The following DLGAP2 variants were observed in gnomAD, a reference collection of about 807,000 sequenced individuals.
DLGAP2 encodes disks large-associated protein 2.
A neutral mutation model predicts 100.3 loss-of-function variants in DLGAP2; 26 were observed. The observed-to-expected ratio is 0.26, with a 90% CI of 0.19 to 0.36. The LOEUF (loss-of-function observed/expected upper bound fraction) is 0.36. DLGAP2 is among the 10% of genes least tolerant of loss of function. The probability of loss-of-function intolerance (pLI) is 1.00; values close to 1 mark genes in which losing one functional copy is unlikely to be tolerated. For synonymous variants in DLGAP2, 886 were observed against 630.1 expected, an observed-to-expected ratio of 1.41 and a Z score of -6.08; for missense variants, 1,858 against 1,453.2, an observed-to-expected ratio of 1.28 and a Z score of -4.53.
intron 3 of DLGAP2, among the ~76,000 whole-genome samples, chr8:1,408,005 C>T (rs1030670447): frequency 6.6e-5 from 10 of 152,214 alleles, no homozygotes; most frequent in Non-Finnish European, 7.3e-5. Context: ...TTAACAGCAT[C>T]GCTGGACTCA....
intron 1 of DLGAP2, among the ~76,000 whole-genome samples, chr8:818,439 C>T (rs1488026960): frequency 6.6e-6 from 1 of 152,188 alleles, no homozygotes; most frequent in Non-Finnish European, 1.5e-5. Flanking sequence ...GAACCACGAA[C>T]CTCCCCATTG....
intron 2 of DLGAP2, among the ~76,000 whole-genome samples, chr8:1,026,751 A>G (rs1801811680): frequency 6.6e-6 from 1 of 152,358 alleles, no homozygotes; most frequent in Admixed American, 6.5e-5. Flanking sequence ...ACTCATGCAA[A>G]ACAGCATTGA....
rs1798596866 is a variant in DLGAP2 at position 1,668,334 on chromosome 8, T to G, written c.1816T>G (p.Ser606Ala). The G allele has an allele frequency of 6.7e-7, 1 of 1,503,170 alleles. No homozygotes were observed. Among genetic ancestry groups the G allele is most frequent in the Admixed American group, 2.4e-5 (1 of 41,626 alleles). 93.1% of individuals were successfully genotyped at this position (1,503,170 alleles called of 1,614,324 possible). A position where few individuals can be genotyped will look rare whatever the true frequency, so the allele number is the denominator to read the frequency against. ...GGGACTTTCTTTTCTTACAGCTGTC[T>G]CATATACAAATTACAAGAAAACGCC... ...TSTIRSTAAV[S>A]YTNYKKTPPP... Residue 606 changes from serine to alanine, a missense_variant, in exon 9 of 15, where the codon TCA becomes GCA. By Grantham distance (99) the Ser-to-Ala change is moderately conservative. Coordinates refer to ENST00000637795, the MANE Select transcript of DLGAP2 (RefSeq NM_001346810.2).
At chr8:1,492,801 A>G (rs760377147) in intron 3 of DLGAP2, among the ~76,000 whole-genome samples, 3 of 152,180 alleles carry the variant, frequency 2.0e-5, no homozygotes, top group Non-Finnish European at 4.4e-5. Context: ...TGGGAGGCCA[A>G]TAAGGAGAAG....
chr8:1,246,483 G>T (rs1275215370), intron 2 of DLGAP2, among the ~76,000 whole-genome samples: 3 of 152,168 alleles, frequency 2.0e-5, no homozygotes, highest in Non-Finnish European at 4.4e-5. Flanking sequence ...TCTCACTGAG[G>T]GGAGCAGCAC....
chr8:1,382,183 T>C (rs1462447741), intron 3 of DLGAP2, among the ~76,000 whole-genome samples: 1 of 152,218 alleles, frequency 6.6e-6, no homozygotes, highest in Non-Finnish European at 1.5e-5. Flanking sequence ...TATTACATGC[T>C]GTATTCATAC....
At chr8:1,094,734 C>A (rs991453564) in intron 2 of DLGAP2, among the ~76,000 whole-genome samples, 1 of 152,216 alleles carries the variant, frequency 6.6e-6, no homozygotes, top group Non-Finnish European at 1.5e-5. Flanking sequence ...CCGTGCCTCC[C>A]CCTCTTTCTC....
chr8:930,689 G>T (rs1013311598), intron 2 of DLGAP2, among the ~76,000 whole-genome samples: 4 of 56,868 alleles, frequency 7.0e-5, no homozygotes, highest in African/African-American at 1.3e-4. Flanking sequence ...GCAGGTGTGC[G>T]GGGATTGGGA....
intron 14 of DLGAP2, among the ~76,000 whole-genome samples, chr8:1,700,129 T>C (rs1799526012): frequency 6.6e-6 from 1 of 152,162 alleles, no homozygotes; most frequent in Admixed American, 6.5e-5. Flanking sequence ...AAAGCAGGCT[T>C]CTTGCCACAG....
In DLGAP2 at chr8:923,186, G is replaced by C. The variant is rs143852142; in HGVS notation, c.73+15220G>C. ...TGTCTGTGAATGAGACGGGTGGTCT[G>C]TGTCAGTCTTGGCGGACAGGCTTTC... is the stretch of plus-strand genomic sequence containing the variant. On this transcript the variant is annotated intron_variant, in intron 2 of 14. Transcript: ENST00000637795. Among the ~76,000 whole-genome samples the C allele has an allele frequency of 1.6e-3, 244 of 152,234 alleles. 2 individuals carry two copies. Among genetic ancestry groups the C allele is most frequent in the African/African-American group, 5.6e-3 (233 of 41,492 alleles).
chr8:1,212,559 G>T (rs1329028458), intron 2 of DLGAP2, among the ~76,000 whole-genome samples: 5 of 152,114 alleles, frequency 3.3e-5, no homozygotes, highest in African/African-American at 1.2e-4. Flanking sequence ...GTGTAGTGGA[G>T]AGAGAGACGT....
chr8:1,362,576 C>T (rs1802006998), intron 3 of DLGAP2, among the ~76,000 whole-genome samples: 1 of 152,174 alleles, frequency 6.6e-6, no homozygotes, highest in Non-Finnish European at 1.5e-5. Context: ...CTCACGGCCA[C>T]AGTCACCATG....
At chr8:1,654,800 G>A (rs888749974) in intron 8 of DLGAP2, among the ~76,000 whole-genome samples, 7 of 152,066 alleles carry the variant, frequency 4.6e-5, no homozygotes, top group African/African-American at 9.7e-5. Flanking sequence ...GTCAGTGTGC[G>A]CCATCACTGA....
At chr8:1,536,656 G>C (rs924062773) in intron 4 of DLGAP2, among the ~76,000 whole-genome samples, 6 of 152,184 alleles carry the variant, frequency 3.9e-5, no homozygotes, top group African/African-American at 1.4e-4. Context: ...GTCAAGGCCA[G>C]CCCTGTCCTC....
intron 2 of DLGAP2, among the ~76,000 whole-genome samples, chr8:1,152,530 C>G (rs1167558655): frequency 6.6e-6 from 1 of 152,164 alleles, no homozygotes; most frequent in Admixed American, 6.5e-5. Context: ...CCCAAAGGCC[C>G]TTTTTTGTAT....
At chr8:1,434,273 A>T (rs1230561320) in intron 3 of DLGAP2, among the ~76,000 whole-genome samples, 1 of 152,020 alleles carries the variant, frequency 6.6e-6, no homozygotes, top group Non-Finnish European at 1.5e-5. Context: ...AGATTATCTG[A>T]GTCTGCAGAG....
At chr8:1,223,069 G>C (rs1304901944) in intron 2 of DLGAP2, among the ~76,000 whole-genome samples, 1 of 152,176 alleles carries the variant, frequency 6.6e-6, no homozygotes. Context: ...CCAGCTCAGA[G>C]GTCTGTGGGG....
chr8:885,939 C>G (rs533197543), intron 1 of DLGAP2, among the ~76,000 whole-genome samples: 7 of 152,290 alleles, frequency 4.6e-5, no homozygotes, highest in African/African-American at 1.7e-4. Flanking sequence ...AGGAGTCCCT[C>G]CTTTTCAATT....
intron 2 of DLGAP2, among the ~76,000 whole-genome samples, chr8:1,208,785 T>A (rs6558430): frequency 0.55 from 83,549 of 151,644 alleles, 25,260 homozygotes; most frequent in African/African-American, 0.81. Context: ...TGTACACAAA[T>A]TAGTAGCACT....
Sources: gnomAD v4.1 joint callset for allele counts (sites outside exome capture counted in the v4.1 genomes callset) on GRCh38, gnomAD v4.1.1 for gene constraint, MANE v1.5 for transcripts, NCBI Gene and HGNC (gene_info 2026-07-23, HGNC 2026-07-21) for gene names.